SYNE1: variants seen among roughly 807,000 people sequenced by gnomAD.
SYNE1 encodes the protein nesprin-1.
SYNE1 carries 616 observed loss-of-function variants against 1,111.0 expected under a neutral mutation model. That is an observed-to-expected ratio of 0.55 (90% CI 0.52 to 0.59). The LOEUF is 0.59. Among genes scored for constraint, SYNE1 ranks in the 20% least tolerant of loss-of-function variants. SYNE1 has a pLI of 0.00. For synonymous variants in SYNE1, 3,855 were observed against 3,825.8 expected (o/e 1.01, Z -0.28); for missense variants, 10,006 against 10,417.0 (o/e 0.96, Z 1.72).
At chr6:152,240,796 C>T (rs1348386443) in intron 107 of SYNE1, among the ~76,000 whole-genome samples, 2 of 152,338 alleles carry the variant, frequency 1.3e-5, no homozygotes, top group East Asian at 3.9e-4. Context: ...GGTCACATAG[C>T]TAGTCACGGC....
At chr6:152,552,299 A>G (rs928476130) in intron 3 of SYNE1, among the ~76,000 whole-genome samples, 2 of 152,120 alleles carry the variant, frequency 1.3e-5, no homozygotes, top group African/African-American at 4.8e-5. Flanking sequence ...CTTTATCTTA[A>G]GTAGGTTCAG....
At chr6:152,479,924 A>G (rs1469095301) in intron 14 of SYNE1, among the ~76,000 whole-genome samples, 1 of 152,234 alleles carries the variant, frequency 6.6e-6, no homozygotes, top group African/African-American at 2.4e-5. Flanking sequence ...AACGTTGCCT[A>G]TGCATTAAGT....
rs755496217 is a variant in SYNE1, at chr6:152,367,398, A to G, written c.9808-16T>C. 6.2e-7 allele frequency: 1 copy of G among 1,613,318 alleles called. No individual in the cohort carries two copies. The highest frequency in any genetic ancestry group is 1.1e-5 in the South Asian group (1 of 91,080). Reference sequence around the variant, plus strand: ...ACACTTTCTCCTGGAAATGACAGAAATGGTTTTCGAGCTGTCCATCCCACA... The same window carrying G: ...ACACTTTCTCCTGGAAATGACAGAAGTGGTTTTCGAGCTGTCCATCCCACA... On this transcript the variant is annotated splice_polypyrimidine_tract_variant and intron_variant, in intron 61 of 145. Transcript: ENST00000367255.
chr6:152,442,249 G>T lies in SYNE1; in HGVS notation c.3838-4C>A. On this transcript the variant is annotated splice_polypyrimidine_tract_variant and splice_region_variant and intron_variant, in intron 30 of 145. Transcript: ENST00000367255. The stretch of plus-strand genomic sequence containing the variant: ...CTGAGATCCGCTTTGTCTTTTGCTA[G>T]AAGCATTTATTCAACAGATGGATAT... 1 of 1,612,400 alleles carries T rather than the reference G, an allele frequency of 6.2e-7. No individual in the cohort carries two copies.
intron 97 of SYNE1, among the ~76,000 whole-genome samples, chr6:152,279,871 T>C (rs1308589899): frequency 6.6e-6 from 1 of 152,148 alleles, no homozygotes; most frequent in Non-Finnish European, 1.5e-5. Context: ...GATTTTACCA[T>C]TAGGCACAGC....
Position 152,135,169 on chromosome 6 carries a change from C to A in SYNE1, c.25723G>T (p.Glu8575Ter). 6.2e-7 allele frequency: 1 copy of A among 1,614,138 alleles called. No individual in the cohort carries two copies. Among genetic ancestry groups the A allele is most frequent in the African/African-American group, 1.3e-5 (1 of 75,060 alleles). ...AGGTTAGAATCAATAGGGACAATTTCATTTTTCCTTCTGTCAATGTTCTCC... is the reference window on the plus strand; with the variant it reads ...AGGTTAGAATCAATAGGGACAATTTAATTTTTCCTTCTGTCAATGTTCTCC... Reference protein sequence around the residue: ...MLENIDRRKNEIVPIDSNLDA... With the variant: ...MLENIDRRKN The change falls in exon 142 of 146, where the codon GAA (glutamate) becomes TAA (stop). Residue 8575 changes from glutamate to a stop codon, truncating the protein, a stop_gained. Coordinates refer to ENST00000367255, the MANE Select transcript of SYNE1 (RefSeq NM_182961.4). LOFTEE classifies it high-confidence loss of function.
At chr6:152,435,810 G>T in intron 33 of SYNE1, 131 bp downstream of exon 33, 1 of 1,151,958 alleles carries the variant, frequency 8.7e-7, no homozygotes, top group Non-Finnish European at 1.2e-6. Context: ...ACTGTGAGTT[G>T]TTTCCTCAAA....
chr6:152,607,534 A>G (rs941649137), intron 3 of SYNE1, among the ~76,000 whole-genome samples: 2 of 152,316 alleles, frequency 1.3e-5, no homozygotes, highest in Admixed American at 1.3e-4. Flanking sequence ...TAAAAAGTCA[A>G]GAAACAACAG....
chr6:152,606,575 A>G (rs578122672), intron 3 of SYNE1, among the ~76,000 whole-genome samples: 2 of 152,308 alleles, frequency 1.3e-5, no homozygotes, highest in African/African-American at 4.8e-5. Flanking sequence ...AGAGCACACA[A>G]ATGCAAAGAA....
At chr6:152,364,775 T>G (rs1291527963) in intron 63 of SYNE1, 72 bp downstream of exon 63, 3 of 1,590,378 alleles carry the variant, frequency 1.9e-6, no homozygotes, top group Non-Finnish European at 1.7e-6. Flanking sequence ...GCCACAGGAA[T>G]GGTCTGTTCA....
chr6:152,276,071 G>A (rs1179364575), intron 98 of SYNE1, among the ~76,000 whole-genome samples: 2 of 95,380 alleles, frequency 2.1e-5, no homozygotes, highest in African/African-American at 8.3e-5. Flanking sequence ...ATTTCACTCT[G>A]TTGCCCAAGC....
intron 3 of SYNE1, among the ~76,000 whole-genome samples, chr6:152,577,505 C>T (rs962067058): frequency 1.3e-5 from 2 of 151,974 alleles, no homozygotes; most frequent in Non-Finnish European, 2.9e-5. Context: ...TGGTGGCGGG[C>T]GCCTGTAGTC....
intron 129 of SYNE1, 47 bp downstream of exon 129, chr6:152,180,089 A>G (rs1379742363): frequency 2.5e-6 from 4 of 1,607,066 alleles, no homozygotes; most frequent in Non-Finnish European, 3.4e-6. Context: ...AAAAGTACAC[A>G]TAAGCCTTAT....
At position 152,255,745 on chromosome 6, in the gene SYNE1, C is replaced by G; in HGVS notation, c.19106G>C (p.Ser6369Thr). 1 of 1,614,214 alleles carries G rather than the reference C, an allele frequency of 6.2e-7. No individual in the cohort carries two copies. The highest frequency in any genetic ancestry group is 8.5e-7 in the Non-Finnish European group (1 of 1,180,032). Residue 6369 changes from serine (S) to threonine (T), a missense_variant and splice_region_variant, in exon 103 of 146, where the codon AGT (serine) becomes ACT (threonine). Physicochemically the swap from Ser to Thr is moderately conservative, Grantham distance 58. Transcript: ENST00000367255. ...TATACTCTGCCTCTTTGCCCCTCCA[C>G]TCTGGGAAACACAAAACAGGGTCAA... Reference protein sequence around the residue: ...NQAFEEVSSQSGGAKRQSIHL... With the variant: ...NQAFEEVSSQTGGAKRQSIHL...
intron 22 of SYNE1, chr6:152,456,755 G>T (rs752778180): frequency 4.5e-6 from 2 of 448,258 alleles, no homozygotes; most frequent in Non-Finnish European, 8.9e-6. Context: ...CAAGGCAGAG[G>T]GTCATTTTTT....
In SYNE1 at chr6:152,206,380, T is replaced by A; in HGVS notation, c.22825-18A>T. 6.2e-7 allele frequency: 1 copy of A among 1,612,948 alleles called. No individual in the cohort carries two copies. The highest frequency in any genetic ancestry group is 1.7e-5 in the Admixed American group (1 of 60,012). ...TCTTTGAACTGAAAGGAACCATAGC[T>A]TTTTATTTTCTCATTCTTTCTTTCA... is the stretch of plus-strand genomic sequence containing the variant. On this transcript the variant is annotated intron_variant, in intron 125 of 145. Coordinates refer to ENST00000367255, the MANE Select transcript of SYNE1 (RefSeq NM_182961.4).
At chr6:152,603,906 ACT>A (rs2099603633) in intron 3 of SYNE1, among the ~76,000 whole-genome samples, 1 of 146,996 alleles carries the variant, frequency 6.8e-6, no homozygotes, top group Admixed American at 6.8e-5. Context: ...AGATAGATAT[ACT>A]ATCTATATAT....
intron 36 of SYNE1, 22 bp from the exon 37 acceptor site, chr6:152,428,414 T>C: frequency 1.9e-6 from 3 of 1,612,622 alleles, no homozygotes; most frequent in Non-Finnish European, 2.5e-6. Context: ...GCGAGAAGAA[T>C]GCAGTGAAAG....
chr6:152,400,801 T>A (rs1454828219), intron 47 of SYNE1, among the ~76,000 whole-genome samples: 1 of 152,206 alleles, frequency 6.6e-6, no homozygotes, highest in African/African-American at 2.4e-5. Flanking sequence ...AACTATTGGA[T>A]ACTCAAGTTT....
Sources: gnomAD v4.1 joint callset for allele counts (sites outside exome capture counted in the v4.1 genomes callset) on GRCh38, gnomAD v4.1.1 for gene constraint, MANE v1.5 for transcripts, NCBI Gene and HGNC (gene_info 2026-07-23, HGNC 2026-07-21) for gene names.